COMMD1: variants seen among roughly 807,000 people sequenced by gnomAD.
The protein encoded by COMMD1 is COMM domain-containing protein 1.
Under a neutral mutation model 17.2 loss-of-function variants are expected in COMMD1, and 10 were observed. The observed-to-expected ratio is 0.58, with a 90% confidence interval of 0.36 to 0.99. COMMD1 has a LOEUF of 0.99. COMMD1 is among the 50% of genes least tolerant of loss of function. The pLI, the probability that COMMD1 is intolerant of heterozygous loss-of-function variation, is 0.01. For synonymous variants in COMMD1, 97 were observed against 91.6 expected, an observed-to-expected ratio of 1.06 and a Z score of -0.34; for missense variants, 270 against 231.8, an observed-to-expected ratio of 1.17 and a Z score of -1.07.
chr2:62,093,366 G>T (rs1364248223), intron 2 of COMMD1, among the ~76,000 whole-genome samples: 1 of 152,156 alleles, frequency 6.6e-6, no homozygotes, highest in Admixed American at 6.5e-5. Flanking sequence ...ATGGGGGATG[G>T]TTTCCAAAAG....
Position 61,964,951 on chromosome 2 carries a change from G to A in COMMD1, c.181-35750G>A, listed in dbSNP as rs962846789. Reference sequence around the variant, plus strand: ...CTTGGGAGACTGAGGCGGAAGAATCGCTTGGACCTGGGAGGCGGAGGTTGC... The same window carrying A: ...CTTGGGAGACTGAGGCGGAAGAATCACTTGGACCTGGGAGGCGGAGGTTGC... On this transcript the variant is annotated intron_variant, in intron 1 of 2. Transcript: ENST00000311832. Among the ~76,000 whole-genome samples the A allele has an allele frequency of 5.3e-5, 8 of 152,068 alleles. No individual in the cohort carries two copies. In the East Asian group the frequency reaches 1.4e-3, roughly 26 times the overall value.
intron 2 of COMMD1, among the ~76,000 whole-genome samples, chr2:62,002,036 G>A (rs1668960479): frequency 6.6e-6 from 1 of 152,040 alleles, no homozygotes; most frequent in African/African-American, 2.4e-5. Flanking sequence ...TGGGCATGGT[G>A]GCACATGCCT....
chr2:61,942,290 G>C (rs759982535), intron 1 of COMMD1, among the ~76,000 whole-genome samples: 5 of 152,106 alleles, frequency 3.3e-5, no homozygotes, highest in Non-Finnish European at 7.3e-5. Context: ...TTTTAGTAGA[G>C]ATGGGGTTGC....
At chr2:62,092,230 C>T (rs760750804) in intron 2 of COMMD1, among the ~76,000 whole-genome samples, 57 of 152,144 alleles carry the variant, frequency 3.7e-4, no homozygotes, top group Non-Finnish European at 6.6e-4. Flanking sequence ...GAGAGTGCAT[C>T]GATCCCAAAC....
intron 1 of COMMD1, among the ~76,000 whole-genome samples, chr2:61,976,116 C>T (rs1374106330): frequency 1.3e-5 from 2 of 150,326 alleles, no homozygotes; most frequent in Admixed American, 6.7e-5. Flanking sequence ...TCGGTTTTTG[C>T]GTCTCATATG....
rs113910663 is a variant in COMMD1, at chr2:61,943,834, C to CA, written c.180+37984dup. On this transcript the variant is annotated intron_variant, in intron 1 of 2. Coordinates refer to ENST00000311832, the MANE Select transcript of COMMD1 (RefSeq NM_152516.4). ...TTGGCGTCTCAGTGAGACTCTGTCT[C>CA]AAAAAAAACAAAACAAAACAAAACA... Among the ~76,000 whole-genome samples, 273 of 151,522 alleles carry CA rather than the reference C, an allele frequency of 1.8e-3. 2 individuals are homozygous for CA. The highest frequency in any genetic ancestry group is 6.2e-3 in the African/African-American group (256 of 41,322).
chr2:62,126,873 G>T (rs1184556485), intron 2 of COMMD1, among the ~76,000 whole-genome samples: 2 of 152,124 alleles, frequency 1.3e-5, no homozygotes, highest in African/African-American at 4.8e-5. Context: ...TGAAAGTTCT[G>T]GCCAGGGCAA....
chr2:62,133,506 T>C (rs1438832193), intron 2 of COMMD1, among the ~76,000 whole-genome samples: 1 of 151,546 alleles, frequency 6.6e-6, no homozygotes, highest in Non-Finnish European at 1.5e-5. Context: ...TAAATTTTGC[T>C]GATGGTAAGT....
At chr2:61,992,990 A>T (rs188439540) in intron 1 of COMMD1, among the ~76,000 whole-genome samples, 1 of 152,216 alleles carries the variant, frequency 6.6e-6, no homozygotes, top group Non-Finnish European at 1.5e-5. Context: ...CTTTACAAAC[A>T]TTAATACTTG....
At chr2:62,010,269 G>T (rs1669242148) in intron 2 of COMMD1, among the ~76,000 whole-genome samples, 1 of 151,870 alleles carries the variant, frequency 6.6e-6, no homozygotes, top group Admixed American at 6.6e-5. Context: ...TACCGCATTT[G>T]CCTGATTTTC....
chr2:62,006,394 C>T (rs1483371189), intron 2 of COMMD1, among the ~76,000 whole-genome samples: 2 of 151,052 alleles, frequency 1.3e-5, no homozygotes, highest in Non-Finnish European at 3.0e-5. Flanking sequence ...CATACATAAC[C>T]TTGTTTTCTA....
chr2:61,898,829 T>C (rs1669603470), intron 1 of COMMD1, among the ~76,000 whole-genome samples: 1 of 152,196 alleles, frequency 6.6e-6, no homozygotes. Context: ...TCTTACCGTT[T>C]CCTTGCCTTA....
intron 2 of COMMD1, among the ~76,000 whole-genome samples, chr2:62,021,235 G>T (rs181770941): frequency 6.6e-6 from 1 of 152,134 alleles, no homozygotes; most frequent in Non-Finnish European, 1.5e-5. Flanking sequence ...TATTTTTTGC[G>T]TGTGAGAGAC....
intron 1 of COMMD1, among the ~76,000 whole-genome samples, chr2:61,962,608 G>A (rs1413378980): frequency 6.6e-6 from 1 of 152,158 alleles, no homozygotes; most frequent in Non-Finnish European, 1.5e-5. Flanking sequence ...TCATACCTAC[G>A]TAATGCAGCC....
chr2:61,934,835 C>G (rs541019270), intron 1 of COMMD1, among the ~76,000 whole-genome samples: 10 of 152,256 alleles, frequency 6.6e-5, no homozygotes, highest in African/African-American at 1.9e-4. Context: ...CCAGGCTGGT[C>G]TCATACCCCT....
rs572486863 is a variant in COMMD1, at chr2:62,056,304, A to G, written c.462+55322A>G. ...TTCACACAGCTCTGTGAGGAGATAG[A>G]TGCAGAGCACACACATCTTCTCTTA... On this transcript the variant is annotated intron_variant, in intron 2 of 2. Coordinates refer to ENST00000311832, the MANE Select transcript of COMMD1 (RefSeq NM_152516.4). 2.0e-3 allele frequency among the ~76,000 whole-genome samples: 302 copies of G among 152,352 alleles called. 1 individual carries two copies. The highest frequency in any genetic ancestry group is 6.8e-3 in the African/African-American group (283 of 41,576).
chr2:62,067,099 C>T (rs540354376), intron 2 of COMMD1, among the ~76,000 whole-genome samples: 34 of 152,118 alleles, frequency 2.2e-4, no homozygotes, highest in African/African-American at 7.7e-4. Context: ...GTGGCTCATG[C>T]CTGTAATCCC....
At chr2:61,904,608 A>G (rs1669727493), upstream of COMMD1, among the ~76,000 whole-genome samples, 1 of 152,240 alleles carries the variant, frequency 6.6e-6, no homozygotes, top group Non-Finnish European at 1.5e-5. Flanking sequence ...GTCAACTAGT[A>G]TAGGTGTACC....
At chr2:62,059,658 C>G (rs573482421) in intron 2 of COMMD1, among the ~76,000 whole-genome samples, 2 of 152,276 alleles carry the variant, frequency 1.3e-5, no homozygotes, top group African/African-American at 4.8e-5. Context: ...GCCTTGAACT[C>G]CTGGGCTCAA....
Sources: allele counts gnomAD v4.1 joint callset (sites outside exome capture counted in the v4.1 genomes callset), GRCh38; gene constraint gnomAD v4.1.1; transcripts MANE v1.5; gene names NCBI Gene and HGNC (gene_info 2026-07-23, HGNC 2026-07-21).